The following FBXO43 variants were observed in gnomAD, a reference collection of about 807,000 sequenced individuals.
FBXO43 encodes the protein F-box only protein 43.
A neutral mutation model predicts 56.7 loss-of-function variants in FBXO43; 22 were observed. The ratio of observed to expected loss-of-function variants is 0.39; its 90% CI spans 0.28 to 0.55. The LOEUF (loss-of-function observed/expected upper bound fraction) is 0.55, where lower values mean the gene tolerates loss of function less well. FBXO43 is among the 20% of genes least tolerant of loss of function. The probability of loss-of-function intolerance (pLI) is 0.66; values close to 1 mark genes in which losing one functional copy is unlikely to be tolerated. For synonymous variants in FBXO43, 306 were observed against 294.5 expected, an observed-to-expected ratio of 1.04 and a Z score of -0.40; for missense variants, 733 against 814.9, an observed-to-expected ratio of 0.90 and a Z score of 1.22.
At chr8:100,135,643 C>CT (rs1814447179) in intron 3 of FBXO43, among the ~76,000 whole-genome samples, 9 of 151,816 alleles carry the variant, frequency 5.9e-5, no homozygotes, top group Non-Finnish European at 1.2e-4. Context: ...TTAACTCTGT[C>CT]ATCCAGGCTG....
chr8:100,136,724 T>G (rs992341469), intron 3 of FBXO43, among the ~76,000 whole-genome samples: 1 of 152,222 alleles, frequency 6.6e-6, no homozygotes, highest in Non-Finnish European at 1.5e-5. Context: ...CAGGTCTCAG[T>G]AGAGATGCAC....
intron 2 of FBXO43, among the ~76,000 whole-genome samples, chr8:100,139,526 C>A (rs1004801354): frequency 6.6e-6 from 1 of 152,180 alleles, no homozygotes; most frequent in Non-Finnish European, 1.5e-5. Context: ...CCCGCATGCT[C>A]CTCCATAACC....
chr8:100,145,598 C>CGAGG lies in FBXO43; in HGVS notation c.-464_-463insCCTC. 1 of 152,956 alleles carries CGAGG rather than the reference C, an allele frequency of 6.5e-6. No homozygotes were observed. The highest frequency in any genetic ancestry group is 1.5e-5 in the Non-Finnish European group (1 of 68,542). 9.5% of individuals were successfully genotyped at this position (152,956 alleles called of 1,614,324 possible). ...AGACACAGGGCGACGCGGGGCCGGG[C>CGAGG]CGCCGGGAGACCCGCTAACGGGCAC... is the stretch of plus-strand genomic sequence containing the variant. On this transcript the variant is annotated 5_prime_UTR_variant, in exon 1 of 5. Transcript: ENST00000428847.
intron 3 of FBXO43, among the ~76,000 whole-genome samples, chr8:100,134,993 T>C (rs1814426490): frequency 6.6e-6 from 1 of 151,834 alleles, no homozygotes; most frequent in Non-Finnish European, 1.5e-5. Flanking sequence ...TAATGGGAGA[T>C]GAATCAGGGA....
At chr8:100,150,313 G>A (rs1814895786), upstream of FBXO43, among the ~76,000 whole-genome samples, 1 of 152,272 alleles carries the variant, frequency 6.6e-6, no homozygotes, top group Non-Finnish European at 1.5e-5. Flanking sequence ...TCCGAGTAAC[G>A]GCTATCCTAG....
chr8:100,136,152 T>C (rs991913106), intron 3 of FBXO43, among the ~76,000 whole-genome samples: 4 of 152,194 alleles, frequency 2.6e-5, no homozygotes, highest in African/African-American at 9.7e-5. Flanking sequence ...TCTTCCTTAT[T>C]ACAAACTCCC....
upstream of FBXO43, among the ~76,000 whole-genome samples, chr8:100,148,389 T>C (rs770095496): frequency 6.6e-6 from 1 of 152,192 alleles, no homozygotes; most frequent in Non-Finnish European, 1.5e-5. Flanking sequence ...TGTAATTTCA[T>C]ATTCTTTACA....
chr8:100,136,436 C>CT (rs1393375840), intron 3 of FBXO43, among the ~76,000 whole-genome samples: 3 of 152,130 alleles, frequency 2.0e-5, no homozygotes, highest in African/African-American at 7.2e-5. Context: ...CTCTCAGAAT[C>CT]TTTTTTGGCC....
At chr8:100,143,161 A>T (rs1214193190) in intron 1 of FBXO43, among the ~76,000 whole-genome samples, 2 of 152,224 alleles carry the variant, frequency 1.3e-5, no homozygotes, top group African/African-American at 4.8e-5. Flanking sequence ...TTTTGACAAA[A>T]ATAGTGTTAA....
chr8:100,137,676 A>G lies in FBXO43; in HGVS notation c.1572-9T>C, dbSNP rs781708166. 1 of 1,592,512 alleles carries G rather than the reference A, an allele frequency of 6.3e-7. No homozygotes were observed. The highest frequency in any genetic ancestry group is 1.1e-5 in the South Asian group (1 of 90,390). The stretch of plus-strand genomic sequence containing the variant: ...TGCTTACTTTCCAAACACTATAACA[A>G]AAAGATCCATCCTTATATTGCATAC... On this transcript the variant is annotated splice_polypyrimidine_tract_variant and intron_variant, in intron 2 of 4. Transcript: ENST00000428847.
At chr8:100,146,591 C>T (rs3133674), upstream of FBXO43, among the ~76,000 whole-genome samples, 7,437 of 152,180 alleles carry the variant, frequency 0.049, 545 homozygotes, top group African/African-American at 0.15. Context: ...ATTTACTGGG[C>T]GTCTATTATA....
chr8:100,144,295 T>G (rs1316990450), intron 1 of FBXO43, among the ~76,000 whole-genome samples: 1 of 149,212 alleles, frequency 6.7e-6, no homozygotes, highest in Non-Finnish European at 1.5e-5. Context: ...GAGAAATGCT[T>G]GAGTCCAGGA....
intron 1 of FBXO43, among the ~76,000 whole-genome samples, chr8:100,144,133 A>G (rs925582290): frequency 1.3e-5 from 2 of 152,204 alleles, no homozygotes; most frequent in Non-Finnish European, 2.9e-5. Flanking sequence ...TAGGTGTCTC[A>G]CAATGCTAGA....
chr8:100,147,739 G>C (rs1334485037), upstream of FBXO43, among the ~76,000 whole-genome samples: 2 of 152,204 alleles, frequency 1.3e-5, no homozygotes, highest in African/African-American at 4.8e-5. Flanking sequence ...TCAGTTGGCA[G>C]AATCAACTGC....
At chr8:100,147,903 A>G (rs1319694302), upstream of FBXO43, among the ~76,000 whole-genome samples, 1 of 152,202 alleles carries the variant, frequency 6.6e-6, no homozygotes, top group African/African-American at 2.4e-5. Flanking sequence ...GCCTACCCCC[A>G]CACTCCCTGG....
In FBXO43 at chr8:100,134,154, T is replaced by G; in HGVS notation, c.1878+7A>C. The G allele has an allele frequency of 1.2e-6, 2 of 1,611,886 alleles. No individual in the cohort carries two copies. The highest frequency in any genetic ancestry group is 1.7e-6 in the Non-Finnish European group (2 of 1,178,806). ...TTCTAATAACTTATGACATAATAAA[T>G]ACTTACCTTAACATATTCTTCCTGT... is the stretch of plus-strand genomic sequence containing the variant. On this transcript the variant is annotated splice_region_variant and intron_variant, in intron 4 of 4. Coordinates refer to ENST00000428847, the MANE Select transcript of FBXO43 (RefSeq NM_001029860.4).
At chr8:100,137,702 A>G (rs1312482567) in intron 2 of FBXO43, 35 bp from the exon 3 acceptor site, 2 of 1,451,956 alleles carry the variant, frequency 1.4e-6, no homozygotes, top group Non-Finnish European at 1.9e-6. Context: ...TATTGCATAC[A>G]TTCTATAGGA....
intron 3 of FBXO43, among the ~76,000 whole-genome samples, chr8:100,136,538 A>G (rs1041587272): frequency 6.6e-6 from 1 of 152,342 alleles, no homozygotes; most frequent in Non-Finnish European, 1.5e-5. Context: ...CAGCTTCTAT[A>G]GGACTTTTCT....
At chr8:100,146,309 TG>T (rs1450202207), upstream of FBXO43, among the ~76,000 whole-genome samples, 1 of 152,158 alleles carries the variant, frequency 6.6e-6, no homozygotes, top group Non-Finnish European at 1.5e-5. Context: ...ATACAGATTT[TG>T]TGATAAAAAA....
Sources: allele counts gnomAD v4.1 joint callset (sites outside exome capture counted in the v4.1 genomes callset), GRCh38; gene constraint gnomAD v4.1.1; transcripts MANE v1.5; gene names NCBI Gene and HGNC (gene_info 2026-07-23, HGNC 2026-07-21).